PDE4D: variants seen among roughly 807,000 people sequenced by gnomAD.
The protein encoded by PDE4D is phosphodiesterase 4D.
PDE4D carries 24 observed loss-of-function variants against 87.4 expected under a neutral mutation model. The observed-to-expected ratio is 0.27, with a 90% CI of 0.20 to 0.39. PDE4D has a LOEUF of 0.39. Ranked by LOEUF, PDE4D falls within the 10% of genes least tolerant of loss-of-function variation. The pLI is 1.00. For missense variants in PDE4D, 714 were observed against 1,041.0 expected (o/e 0.69, Z 4.32); for synonymous variants, 384 against 383.2 (o/e 1.00, Z -0.02).
intron 1 of PDE4D, among the ~76,000 whole-genome samples, chr5:60,282,463 A>G (rs1030112928): frequency 3.9e-5 from 6 of 152,098 alleles, no homozygotes; most frequent in African/African-American, 1.2e-4. Flanking sequence ...AGTGGCTTTC[A>G]TAGAAATAAT....
At chr5:60,493,329 C>T (rs1749633766) in intron 1 of PDE4D, among the ~76,000 whole-genome samples, 2 of 152,176 alleles carry the variant, frequency 1.3e-5, no homozygotes, top group African/African-American at 4.8e-5. Flanking sequence ...AAGAGGGTTA[C>T]CGATCATGAA....
intron 5 of PDE4D, among the ~76,000 whole-genome samples, chr5:59,074,462 T>C (rs1002110582): frequency 6.6e-6 from 1 of 152,024 alleles, no homozygotes; most frequent in Non-Finnish European, 1.5e-5. Context: ...GAAAAGAATT[T>C]TAGAAAGCGT....
At chr5:59,922,463 G>T (rs1306618261) in intron 3 of PDE4D, among the ~76,000 whole-genome samples, 3 of 152,126 alleles carry the variant, frequency 2.0e-5, no homozygotes, top group Non-Finnish European at 2.9e-5. Context: ...CACCTAAGGA[G>T]AGGAGAGGGA....
At chr5:60,411,576 CATTT>C (rs1249869451) in intron 1 of PDE4D, among the ~76,000 whole-genome samples, 3 of 152,174 alleles carry the variant, frequency 2.0e-5, no homozygotes, top group Admixed American at 6.6e-5. Flanking sequence ...TCAATGCATA[CATTT>C]ATTTTATACT....
intron 1 of PDE4D, among the ~76,000 whole-genome samples, chr5:59,222,886 AC>A (rs1258422192): frequency 6.6e-6 from 1 of 152,172 alleles, no homozygotes; most frequent in Non-Finnish European, 1.5e-5. Context: ...GAAAGCATTC[AC>A]CACATTGCCT....
Position 59,619,345 on chromosome 5 carries a change from C to T in PDE4D, c.455+273823G>A, listed in dbSNP as rs543068594. On this transcript the variant is annotated intron_variant, in intron 1 of 14. Coordinates refer to ENST00000340635, the MANE Select transcript of PDE4D (RefSeq NM_001104631.2). ...GTGCAGACATATCTAAAATATAAGC[C>T]TAGGGTCTAGGATATCCAGATGAAA... 2.6e-5 allele frequency among the ~76,000 whole-genome samples: 4 copies of T among 151,982 alleles called. No individual in the cohort carries two copies. In the South Asian group the frequency reaches 8.3e-4, roughly 31 times the overall value.
intron 2 of PDE4D, among the ~76,000 whole-genome samples, chr5:59,994,642 T>G (rs1262912168): frequency 6.6e-6 from 1 of 152,106 alleles, no homozygotes; most frequent in African/African-American, 2.4e-5. Flanking sequence ...CACCATGTGT[T>G]GAAGATGGTA....
At chr5:59,019,930 T>C (rs1754784768) in intron 6 of PDE4D, among the ~76,000 whole-genome samples, 1 of 152,080 alleles carries the variant, frequency 6.6e-6, no homozygotes, top group African/African-American at 2.4e-5. Flanking sequence ...TGAATACAGA[T>C]ACATAAAAAT....
chr5:59,971,662 T>A (rs1015501028), intron 3 of PDE4D, among the ~76,000 whole-genome samples: 3 of 152,162 alleles, frequency 2.0e-5, no homozygotes, highest in Admixed American at 6.5e-5. Context: ...CAAGAGACTC[T>A]TCTCTTCACT....
At chr5:60,392,402 T>C (rs933900493) in intron 1 of PDE4D, among the ~76,000 whole-genome samples, 2 of 152,208 alleles carry the variant, frequency 1.3e-5, no homozygotes, top group Admixed American at 6.5e-5. Context: ...CATTTATTTG[T>C]CCTCAGAAAA....
At chr5:59,147,500 A>G (rs17722929) in intron 5 of PDE4D, among the ~76,000 whole-genome samples, 18,081 of 152,168 alleles carry the variant, frequency 0.12, 1,266 homozygotes, top group Non-Finnish European at 0.16. Flanking sequence ...AAAGTTGCCT[A>G]TATTTTTCAT....
intron 1 of PDE4D, among the ~76,000 whole-genome samples, chr5:59,310,337 A>G (rs1030540855): frequency 4.6e-5 from 7 of 152,098 alleles, no homozygotes; most frequent in African/African-American, 9.7e-5. Context: ...TCTATTCTGC[A>G]TATCATGCAA....
At chr5:59,256,402 C>G (rs1025985526) in intron 1 of PDE4D, among the ~76,000 whole-genome samples, 1 of 152,030 alleles carries the variant, frequency 6.6e-6, no homozygotes, top group African/African-American at 2.4e-5. Context: ...TGTGGCTTCT[C>G]GAGTGCTCTG....
At chr5:59,548,594 T>C (rs2153686745) in intron 1 of PDE4D, among the ~76,000 whole-genome samples, 1 of 152,308 alleles carries the variant, frequency 6.6e-6, no homozygotes, top group South Asian at 2.1e-4. Context: ...AATAGCTACA[T>C]GTGCTACAGA....
intron 1 of PDE4D, among the ~76,000 whole-genome samples, chr5:60,231,113 T>C (rs1012729207): frequency 6.6e-6 from 1 of 152,044 alleles, no homozygotes; most frequent in African/African-American, 2.4e-5. Flanking sequence ...ATTAAAACTA[T>C]GTATTTTTGT....
At chr5:60,473,107 A>AAG (rs146131896) in intron 1 of PDE4D, among the ~76,000 whole-genome samples, 19,329 of 88,300 alleles carry the variant, frequency 0.22, 2,875 homozygotes, top group Non-Finnish European at 0.27. Context: ...GAAAGAAAGA[A>AAG]AGAGAGAGAG....
chr5:59,685,278 G>T (rs981411810), intron 1 of PDE4D, among the ~76,000 whole-genome samples: 1 of 152,116 alleles, frequency 6.6e-6, no homozygotes, highest in African/African-American at 2.4e-5. Context: ...ATCTTTCACA[G>T]CTCACGTAGG....
At chr5:59,914,882 T>G (rs1313086330) in intron 3 of PDE4D, among the ~76,000 whole-genome samples, 1 of 149,140 alleles carries the variant, frequency 6.7e-6, no homozygotes, top group Non-Finnish European at 1.5e-5. Context: ...TGTGTGTGTG[T>G]GTGTGTGTGT....
intron 2 of PDE4D, among the ~76,000 whole-genome samples, chr5:60,075,324 G>A (rs1773168035): frequency 6.6e-6 from 1 of 152,198 alleles, no homozygotes; most frequent in South Asian, 2.1e-4. Flanking sequence ...TTTGAAGAAT[G>A]TTTAATATAG....
Sources: gnomAD v4.1 joint callset for allele counts (sites outside exome capture counted in the v4.1 genomes callset) on GRCh38, gnomAD v4.1.1 for gene constraint, MANE v1.5 for transcripts, NCBI Gene and HGNC (gene_info 2026-07-23, HGNC 2026-07-21) for gene names.